The following SYBU variants were observed in gnomAD, a reference collection of about 807,000 sequenced individuals.
The protein encoded by SYBU is GOLSYN A protein.
A neutral mutation model predicts 35.9 loss-of-function variants in SYBU; 21 were observed. That is an observed-to-expected ratio of 0.58 (90% CI 0.41 to 0.84). The LOEUF (loss-of-function observed/expected upper bound fraction) is 0.84, where lower values mean the gene tolerates loss of function less well. SYBU is among the 40% of genes least tolerant of loss of function. The probability of loss-of-function intolerance (pLI) is 0.00; values close to 1 mark genes in which losing one functional copy is unlikely to be tolerated. For missense variants in SYBU, 768 were observed against 848.2 expected, an observed-to-expected ratio of 0.91 and a Z score of 1.17; for synonymous variants, 319 against 324.3, an observed-to-expected ratio of 0.98 and a Z score of 0.18.
chr8:109,626,257 C>A (rs1812970616), intron 2 of SYBU, among the ~76,000 whole-genome samples: 3 of 152,120 alleles, frequency 2.0e-5, no homozygotes, highest in Non-Finnish European at 4.4e-5. Context: ...TCCATACGTT[C>A]CTTTGTGATT....
intron 3 of SYBU, among the ~76,000 whole-genome samples, chr8:109,591,180 G>A (rs572315970): frequency 5.9e-4 from 90 of 152,290 alleles, no homozygotes; most frequent in Non-Finnish European, 1.1e-3. Context: ...GAAGTGAAAA[G>A]ATATCAAACA....
chr8:109,576,060 A>AC, intron 6 of SYBU, 47 bp from the exon 7 acceptor site: 5 of 1,496,866 alleles, frequency 3.3e-6, no homozygotes, highest in South Asian at 1.3e-5. Context: ...AAAAAAAAAA[A>AC]AAAAAAAAAA....
chr8:109,644,760 T>G lies in SYBU; in HGVS notation c.-101A>C. ...GAGACTGCGCTGAGCCGGCGCGGGC[T>G]GCGGGCGGCGGCTCTTGGTGAGGCT... On this transcript the variant is annotated 5_prime_UTR_variant, in exon 1 of 7. Transcript: ENST00000276646. 8.4e-7 allele frequency: 1 copy of G among 1,189,318 alleles called. No individual in the cohort carries two copies. The highest frequency in any genetic ancestry group is 4.2e-5 in the Admixed American group (1 of 23,732). 73.7% of individuals were successfully genotyped at this position (1,189,318 alleles called of 1,614,324 possible).
chr8:109,673,553 G>A (rs1425253433), intron 1 of SYBU, among the ~76,000 whole-genome samples: 3 of 152,110 alleles, frequency 2.0e-5, no homozygotes, highest in African/African-American at 7.2e-5. Context: ...AAGACCAAAG[G>A]TAGATAAATC....
intron 1 of SYBU, among the ~76,000 whole-genome samples, chr8:109,690,822 T>C (rs1223817816): frequency 6.6e-6 from 1 of 152,178 alleles, no homozygotes; most frequent in Admixed American, 6.5e-5. Flanking sequence ...TCACCTGGAA[T>C]AGTCTTTAAG....
At chr8:109,642,657 A>G in intron 2 of SYBU, 71 bp downstream of exon 2, 1 of 1,029,938 alleles carries the variant, frequency 9.7e-7, no homozygotes, top group South Asian at 1.9e-5. Flanking sequence ...GGGACCCAGT[A>G]TGGGCCCATT....
intron 4 of SYBU, among the ~76,000 whole-genome samples, chr8:109,582,950 A>G (rs1472189485): frequency 6.6e-6 from 1 of 152,146 alleles, no homozygotes; most frequent in Non-Finnish European, 1.5e-5. Context: ...CCCTGCAGAC[A>G]TCTTGGTATC....
intron 1 of SYBU, among the ~76,000 whole-genome samples, 166 bp downstream of exon 1, chr8:109,644,470 C>G (rs1210592311): frequency 6.6e-6 from 1 of 152,104 alleles, no homozygotes; most frequent in Non-Finnish European, 1.5e-5. Flanking sequence ...TCCTGGATCT[C>G]AACTCCTAAG....
At chr8:109,625,116 G>A (rs760884951) in intron 2 of SYBU, among the ~76,000 whole-genome samples, 29 of 149,442 alleles carry the variant, frequency 1.9e-4, no homozygotes, top group Non-Finnish European at 3.1e-4. Context: ...CTGTGATTAC[G>A]TAAGAAAATG....
chr8:109,600,029 G>T (rs956888241), intron 3 of SYBU, among the ~76,000 whole-genome samples: 1 of 152,168 alleles, frequency 6.6e-6, no homozygotes, highest in Non-Finnish European at 1.5e-5. Flanking sequence ...TCAGGAAGGG[G>T]ATTAGGTGGC....
At chr8:109,610,994 A>G (rs1462565239) in intron 3 of SYBU, among the ~76,000 whole-genome samples, 2 of 152,192 alleles carry the variant, frequency 1.3e-5, no homozygotes, top group African/African-American at 4.8e-5. Flanking sequence ...ATGCTCCTCA[A>G]TTAGGGAGGT....
upstream of SYBU, among the ~76,000 whole-genome samples, chr8:109,685,864 A>T (rs1817508774): frequency 1.3e-5 from 2 of 152,328 alleles, no homozygotes; most frequent in Admixed American, 6.5e-5. Flanking sequence ...AAATTACGAA[A>T]TGAAGAGTTT....
chr8:109,607,080 T>G (rs947119500), intron 3 of SYBU, among the ~76,000 whole-genome samples: 1 of 152,160 alleles, frequency 6.6e-6, no homozygotes, highest in Admixed American at 6.5e-5. Flanking sequence ...ATAAACATAG[T>G]ATTTCTTTTG....
chr8:109,621,609 A>C (rs1301429083), intron 2 of SYBU, among the ~76,000 whole-genome samples: 1 of 152,218 alleles, frequency 6.6e-6, no homozygotes, highest in Non-Finnish European at 1.5e-5. Context: ...AAGTCCTGGC[A>C]CTGAACCAGC....
At position 109,623,660 on chromosome 8, in the gene SYBU, T is replaced by C. The variant is rs139946012; in HGVS notation, c.230-4621A>G. ...TTTACATTATAAGGTCTTTGAAATA[T>C]AGGATATAGTTAATAATTATGTAAT... On this transcript the variant is annotated intron_variant, in intron 2 of 6. Coordinates refer to ENST00000276646, the MANE Select transcript of SYBU (RefSeq NM_001099754.2). Among the ~76,000 whole-genome samples the C allele has an allele frequency of 1.6e-4, 24 of 152,316 alleles. No homozygotes were observed. The East Asian group carries it at 4.6e-3, about 29-fold the overall frequency.
chr8:109,656,426 G>T (rs1191363894), intron 1 of SYBU, among the ~76,000 whole-genome samples: 1 of 152,180 alleles, frequency 6.6e-6, no homozygotes, highest in African/African-American at 2.4e-5. Context: ...GAAATGTTGA[G>T]TATGGGGAAT....
At chr8:109,669,640 C>G (rs1018141186) in intron 1 of SYBU, among the ~76,000 whole-genome samples, 4 of 152,116 alleles carry the variant, frequency 2.6e-5, no homozygotes, top group African/African-American at 9.7e-5. Context: ...CTTTCCTTTC[C>G]CCACGTCTCT....
chr8:109,577,541 G>A (rs1055561886), intron 6 of SYBU, among the ~76,000 whole-genome samples: 30 of 151,636 alleles, frequency 2.0e-4, no homozygotes, highest in African/African-American at 6.3e-4. Flanking sequence ...GTTCCCGCAC[G>A]TGTTTTTGCC....
rs563113963 is a variant in SYBU at position 109,670,659 on chromosome 8, T to A, written c.-129+10052A>T. On this transcript the variant is annotated intron_variant, in intron 1 of 5. Coordinates refer to the SYBU transcript ENST00000408889. The stretch of plus-strand genomic sequence containing the variant: ...TGGTCATTCACTTCTATAATTTATC[T>A]TTCATTATTGTTTAAACATAAGATC... Among the ~76,000 whole-genome samples the A allele has an allele frequency of 9.2e-5, 14 of 152,232 alleles. No individual in the cohort carries two copies. The South Asian group carries it at 2.7e-3, about 29-fold the overall frequency.
Sources: gnomAD v4.1 joint callset for allele counts (sites outside exome capture counted in the v4.1 genomes callset) on GRCh38, gnomAD v4.1.1 for gene constraint, MANE v1.5 for transcripts, NCBI Gene and HGNC (gene_info 2026-07-23, HGNC 2026-07-21) for gene names.